EBF1: variants seen among roughly 807,000 people sequenced by gnomAD.
EBF1 encodes the protein transcription factor COE1.
Under a neutral mutation model 68.4 loss-of-function variants are expected in EBF1, and 10 were observed. The ratio of observed to expected loss-of-function variants is 0.15; its 90% CI spans 0.09 to 0.25. EBF1 has a LOEUF of 0.25. Ranked by LOEUF, EBF1 falls within the 10% of genes least tolerant of loss-of-function variation. The pLI, the probability that EBF1 is intolerant of heterozygous loss-of-function variation, is 1.00. For synonymous variants in EBF1, 298 were observed against 299.8 expected, an observed-to-expected ratio of 0.99 and a Z score of 0.06; for missense variants, 509 against 794.4, an observed-to-expected ratio of 0.64 and a Z score of 4.32.
Position 158,755,649 on chromosome 5 carries a change from T to C in EBF1, c.1036+21764A>G, listed in dbSNP as rs1424675006. On this transcript the variant is annotated intron_variant, in intron 10 of 15. Transcript: ENST00000313708. Reference sequence around the variant, plus strand: ...GAAATACAGGGATTGGGAAGGCATTTTGAGATATTTGATGGACTTGGAACT... The same window carrying C: ...GAAATACAGGGATTGGGAAGGCATTCTGAGATATTTGATGGACTTGGAACT... Among the ~76,000 whole-genome samples the C allele has an allele frequency of 2.0e-5, 3 of 152,094 alleles. No homozygotes were observed. In the East Asian group the frequency reaches 5.8e-4, roughly 29 times the overall value.
Position 158,977,764 on chromosome 5 carries a change from C to T in EBF1, c.554+95632G>A, listed in dbSNP as rs545464925. ...CTTAGTAAGAATGCCATGGCGCTGA[C>T]CTCCCAGTGGGCTGCCTGGGAATGC... is the stretch of plus-strand genomic sequence containing the variant. On this transcript the variant is annotated intron_variant, in intron 6 of 15. Transcript: ENST00000313708. Among the ~76,000 whole-genome samples the T allele has an allele frequency of 3.9e-5, 6 of 152,308 alleles. No homozygotes were observed. The East Asian group carries it at 9.6e-4, about 24-fold the overall frequency.
intron 6 of EBF1, among the ~76,000 whole-genome samples, chr5:158,929,425 A>G (rs1321072969): frequency 6.6e-6 from 1 of 152,202 alleles, no homozygotes; most frequent in East Asian, 1.9e-4. Flanking sequence ...AAAACAGCCA[A>G]GAGTAATATT....
chr5:159,098,683 AAAG>A (rs200259423), intron 1 of EBF1, among the ~76,000 whole-genome samples: 2 of 151,298 alleles, frequency 1.3e-5, no homozygotes, highest in Non-Finnish European at 2.9e-5. Context: ...GAAATGAAAG[AAAG>A]AAGAAAGAAA....
intron 11 of EBF1, among the ~76,000 whole-genome samples, chr5:158,716,013 C>T (rs981703565): frequency 2.6e-5 from 4 of 152,152 alleles, no homozygotes; most frequent in Admixed American, 2.0e-4. Flanking sequence ...GCAAGTCTCC[C>T]GTTTGTCAAA....
intron 11 of EBF1, among the ~76,000 whole-genome samples, chr5:158,721,329 C>A (rs953237922): frequency 6.6e-6 from 1 of 151,992 alleles, no homozygotes; most frequent in African/African-American, 2.4e-5. Context: ...TGTAAGCTAA[C>A]GCGGCTATAT....
chr5:158,796,927 T>G (rs2127746606), intron 8 of EBF1, among the ~76,000 whole-genome samples: 1 of 152,336 alleles, frequency 6.6e-6, no homozygotes, highest in Middle Eastern at 3.4e-3. Context: ...GAGAGGAGCC[T>G]GGAGCGGGAA....
chr5:159,020,037 G>A (rs1326132847), intron 6 of EBF1, among the ~76,000 whole-genome samples: 1 of 151,932 alleles, frequency 6.6e-6, no homozygotes, highest in African/African-American at 2.4e-5. Flanking sequence ...CTAAGAATGA[G>A]GTGGATGGAC....
At chr5:159,002,324 T>C (rs1019655572) in intron 6 of EBF1, among the ~76,000 whole-genome samples, 1 of 152,308 alleles carries the variant, frequency 6.6e-6, no homozygotes, top group Non-Finnish European at 1.5e-5. Flanking sequence ...TCTATTCCTA[T>C]TCCAGTGCAA....
chr5:158,883,170 G>A (rs572044458), intron 6 of EBF1, among the ~76,000 whole-genome samples: 1 of 151,972 alleles, frequency 6.6e-6, no homozygotes, highest in African/African-American at 2.4e-5. Flanking sequence ...TTTGAAATGT[G>A]TGTATCTGTG....
At chr5:158,935,292 G>A (rs1811748161) in intron 6 of EBF1, among the ~76,000 whole-genome samples, 1 of 152,072 alleles carries the variant, frequency 6.6e-6, no homozygotes, top group African/African-American at 2.4e-5. Context: ...CACAGTTAAG[G>A]TGAACTCAGA....
rs1755973760 is a variant in EBF1, at chr5:158,697,725, T to C, written c.*1386A>G. 1 of 206,572 alleles carries C rather than the reference T, an allele frequency of 4.8e-6. No homozygotes were observed. The highest frequency in any genetic ancestry group is 2.3e-5 in the African/African-American group (1 of 43,698). The allele number at this position is 206,572 out of a possible 1,614,324, so 12.8% of individuals were successfully genotyped here. On this transcript the variant is annotated 3_prime_UTR_variant, in exon 16 of 16. Transcript: ENST00000313708. ...AAATGTCTTAAGACATTAAAATGTA[T>C]AAATAGAACAACAACTTTGGCAAAA... is the stretch of plus-strand genomic sequence containing the variant.
At chr5:159,012,979 A>G (rs1047647222) in intron 6 of EBF1, among the ~76,000 whole-genome samples, 1 of 152,190 alleles carries the variant, frequency 6.6e-6, no homozygotes, top group African/African-American at 2.4e-5. Context: ...AGAGGCCCTC[A>G]GAAGAAACCA....
In EBF1 at chr5:158,864,214, ACT is replaced by A. The variant is rs1171473077; in HGVS notation, c.555-24106_555-24105del. Among the ~76,000 whole-genome samples, 535 of 125,118 alleles carry A rather than the reference ACT, an allele frequency of 4.3e-3. 9 individuals carry two copies. The highest frequency in any genetic ancestry group is 0.016 in the African/African-American group (509 of 31,014). 82.1% of individuals were successfully genotyped at this position (125,118 alleles called of 152,430 possible). A position where few individuals can be genotyped will look rare whatever the true frequency, so the allele number is the denominator to read the frequency against. ...ACTCCAGCCTGGGTGACAGAGCAAG[ACT>A]CTGTCTCAAAAAAAAAAAAAAAAAA... On this transcript the variant is annotated intron_variant, in intron 6 of 15. Transcript: ENST00000313708.
chr5:158,834,287 T>C (rs927246808), intron 7 of EBF1, among the ~76,000 whole-genome samples: 1 of 152,190 alleles, frequency 6.6e-6, no homozygotes, highest in Non-Finnish European at 1.5e-5. Context: ...CATTAGCATC[T>C]TTTTAGTGTC....
At chr5:158,967,365 G>A (rs140367269) in intron 6 of EBF1, among the ~76,000 whole-genome samples, 4 of 152,226 alleles carry the variant, frequency 2.6e-5, no homozygotes, top group Non-Finnish European at 4.4e-5. Flanking sequence ...TATCTTTACC[G>A]TAAAATGGAG....
At chr5:158,777,109 G>T (rs1464866654) in intron 10 of EBF1, among the ~76,000 whole-genome samples, 1 of 152,146 alleles carries the variant, frequency 6.6e-6, no homozygotes, top group Non-Finnish European at 1.5e-5. Flanking sequence ...TAACAAGGTG[G>T]CTTAACATCC....
Position 159,030,832 on chromosome 5 carries a change from T to C in EBF1, c.554+42564A>G, listed in dbSNP as rs560628223. On this transcript the variant is annotated intron_variant, in intron 6 of 15. Transcript: ENST00000313708. ...GTTCAGAACAGGACTTTATGGAGAG[T>C]AGCATGGCTGTAGTGTGCATGATGG... Among the ~76,000 whole-genome samples the C allele has an allele frequency of 3.6e-4, 55 of 151,876 alleles. 1 individual carries two copies. The highest frequency in any genetic ancestry group is 6.0e-4 in the Non-Finnish European group (41 of 67,974).
At chr5:158,806,844 C>A (rs1781679189) in intron 8 of EBF1, among the ~76,000 whole-genome samples, 1 of 152,134 alleles carries the variant, frequency 6.6e-6, no homozygotes, top group Non-Finnish European at 1.5e-5. Context: ...TGTCTATCTT[C>A]CACATTCTAT....
At chr5:158,939,841 C>A (rs1319609053) in intron 6 of EBF1, among the ~76,000 whole-genome samples, 2 of 152,170 alleles carry the variant, frequency 1.3e-5, no homozygotes, top group African/African-American at 4.8e-5. Flanking sequence ...CTTGGACCCA[C>A]AGAGCCCAGG....
Sources: gnomAD v4.1 joint callset for allele counts (sites outside exome capture counted in the v4.1 genomes callset) on GRCh38, gnomAD v4.1.1 for gene constraint, MANE v1.5 for transcripts, NCBI Gene and HGNC (gene_info 2026-07-23, HGNC 2026-07-21) for gene names.